PDE10A: variants seen among roughly 807,000 people sequenced by gnomAD.
PDE10A encodes the protein cAMP and cAMP-inhibited cGMP 3',5'-cyclic phosphodiesterase 10A.
PDE10A carries 39 observed loss-of-function variants against 97.7 expected under a neutral mutation model. The ratio of observed to expected loss-of-function variants is 0.40; its 90% CI spans 0.31 to 0.52. PDE10A has a LOEUF of 0.52. Ranked by LOEUF, PDE10A falls within the 20% of genes least tolerant of loss-of-function variation. PDE10A has a pLI of 0.56. For missense variants in PDE10A, 731 were observed against 1,047.8 expected, an observed-to-expected ratio of 0.70 and a Z score of 4.17; for synonymous variants, 371 against 376.8, an observed-to-expected ratio of 0.98 and a Z score of 0.18.
chr6:165,971,304 T>C (rs1314052908), intron 1 of PDE10A, among the ~76,000 whole-genome samples: 1 of 152,196 alleles, frequency 6.6e-6, no homozygotes, highest in Non-Finnish European at 1.5e-5. Flanking sequence ...CACCTCAAGC[T>C]GGAAGTTCAA....
intron 18 of PDE10A, among the ~76,000 whole-genome samples, chr6:165,374,995 G>A (rs1367630059): frequency 6.6e-6 from 1 of 152,114 alleles, no homozygotes; most frequent in Non-Finnish European, 1.5e-5. Context: ...ATATATGATG[G>A]TGAACTTAAT....
At chr6:165,640,925 C>A (rs1487047335) in intron 1 of PDE10A, among the ~76,000 whole-genome samples, 1 of 152,230 alleles carries the variant, frequency 6.6e-6, no homozygotes, top group Non-Finnish European at 1.5e-5. Context: ...TAGTTGCACA[C>A]AGAACAAATA....
At chr6:165,353,716 C>T (rs1782845006) in intron 18 of PDE10A, among the ~76,000 whole-genome samples, 1 of 152,012 alleles carries the variant, frequency 6.6e-6, no homozygotes, top group South Asian at 2.1e-4. Flanking sequence ...CAGGGATTGC[C>T]AGGAGTTGCG....
chr6:165,574,424 T>G (rs1426030892), intron 1 of PDE10A, among the ~76,000 whole-genome samples: 2 of 152,128 alleles, frequency 1.3e-5, no homozygotes, highest in African/African-American at 4.8e-5. Context: ...CTCAGGTGAG[T>G]GGAGCTCAGT....
chr6:165,623,814 G>A (rs1216192621), intron 1 of PDE10A, among the ~76,000 whole-genome samples: 1 of 152,074 alleles, frequency 6.6e-6, no homozygotes, highest in African/African-American at 2.4e-5. Context: ...ATGTCCCCAG[G>A]TTTTTCTCTC....
At chr6:165,413,133 T>C (rs1011795294) in intron 13 of PDE10A, among the ~76,000 whole-genome samples, 8 of 152,124 alleles carry the variant, frequency 5.3e-5, no homozygotes, top group African/African-American at 1.9e-4. Flanking sequence ...ACTATACTTT[T>C]GTGTAAGGAT....
At chr6:165,377,205 A>G (rs1784658571) in intron 18 of PDE10A, among the ~76,000 whole-genome samples, 1 of 152,130 alleles carries the variant, frequency 6.6e-6, no homozygotes, top group Admixed American at 6.5e-5. Context: ...GACTTGCTTT[A>G]TTATGAAATT....
At chr6:165,833,062 T>C (rs1022842948) in intron 1 of PDE10A, among the ~76,000 whole-genome samples, 3 of 152,234 alleles carry the variant, frequency 2.0e-5, no homozygotes, top group Non-Finnish European at 4.4e-5. Flanking sequence ...AATCTGCTCA[T>C]TCTTATTTTT....
At chr6:165,905,275 A>G (rs1337032676) in intron 1 of PDE10A, among the ~76,000 whole-genome samples, 1 of 152,238 alleles carries the variant, frequency 6.6e-6, no homozygotes, top group Non-Finnish European at 1.5e-5. Context: ...TCATAAATAA[A>G]TGAAATTTTA....
At chr6:165,881,545 C>T (rs1360287362) in intron 1 of PDE10A, among the ~76,000 whole-genome samples, 1 of 149,378 alleles carries the variant, frequency 6.7e-6, no homozygotes, top group Non-Finnish European at 1.5e-5. Context: ...ACTACAGGTG[C>T]GCACCACCAT....
chr6:165,773,908 T>C (rs1201838740), intron 1 of PDE10A, among the ~76,000 whole-genome samples: 4 of 152,126 alleles, frequency 2.6e-5, no homozygotes, highest in Non-Finnish European at 5.9e-5. Context: ...GTATTACAAC[T>C]ATCATATGAT....
chr6:165,489,384 C>T (rs1467741979), intron 2 of PDE10A, among the ~76,000 whole-genome samples: 1 of 152,100 alleles, frequency 6.6e-6, no homozygotes, highest in Admixed American at 6.5e-5. Flanking sequence ...AAGCCCCATT[C>T]CTAGGGGAAG....
At position 165,334,291 on chromosome 6, in the gene PDE10A, G is replaced by T. The variant is rs961215023; in HGVS notation, c.3066-1164C>A. 3.3e-5 allele frequency among the ~76,000 whole-genome samples: 5 copies of T among 150,744 alleles called. No homozygotes were observed. In the East Asian group the frequency reaches 9.8e-4, roughly 30 times the overall value. ...CCTCCATAGCGCCCTACAGCGCCGGGCACGCGCCTCCATAGCGCCTTACAG... is the reference window on the plus strand; with the variant it reads ...CCTCCATAGCGCCCTACAGCGCCGGTCACGCGCCTCCATAGCGCCTTACAG... On this transcript the variant is annotated intron_variant, in intron 21 of 21. Transcript: ENST00000539869.
chr6:165,967,508 A>T (rs527664087), intron 1 of PDE10A, among the ~76,000 whole-genome samples: 4 of 152,352 alleles, frequency 2.6e-5, no homozygotes, highest in South Asian at 4.1e-4. Context: ...TCAAAAAAAA[A>T]TTTGTTTAAC....
At chr6:165,573,276 G>GT (rs11288936) in intron 1 of PDE10A, among the ~76,000 whole-genome samples, 21 of 142,602 alleles carry the variant, frequency 1.5e-4, no homozygotes, top group African/African-American at 5.2e-4. Flanking sequence ...TGATGTCTGG[G>GT]TTTTTTTTTT....
chr6:165,799,316 A>T (rs547168936), intron 1 of PDE10A, among the ~76,000 whole-genome samples: 1 of 152,356 alleles, frequency 6.6e-6, no homozygotes, highest in East Asian at 1.9e-4. Context: ...CCTTTGCTAG[A>T]GGAGCAGAGA....
chr6:165,359,372 A>G (rs1256465117), intron 18 of PDE10A, among the ~76,000 whole-genome samples: 1 of 152,148 alleles, frequency 6.6e-6, no homozygotes, highest in African/African-American at 2.4e-5. Context: ...TCTAATGGAC[A>G]TAGGATTTGG....
At chr6:165,428,560 A>C in intron 10 of PDE10A, 98 bp downstream of exon 10, 1 of 626,984 alleles carries the variant, frequency 1.6e-6, no homozygotes, top group Non-Finnish European at 2.8e-6. Context: ...ATAATATTGA[A>C]AGTGCCTGTG....
chr6:165,540,438 A>T (rs1284909873), intron 2 of PDE10A, among the ~76,000 whole-genome samples: 1 of 152,160 alleles, frequency 6.6e-6, no homozygotes, highest in Non-Finnish European at 1.5e-5. Context: ...AATGACAAAA[A>T]ATGAAATAAT....
Sources: gnomAD v4.1 joint callset for allele counts (sites outside exome capture counted in the v4.1 genomes callset) on GRCh38, gnomAD v4.1.1 for gene constraint, MANE v1.5 for transcripts, NCBI Gene and HGNC (gene_info 2026-07-23, HGNC 2026-07-21) for gene names.